The following PTCHD4 variants were observed in gnomAD, a reference collection of about 807,000 sequenced individuals.
The protein encoded by PTCHD4 is patched domain-containing protein 4.
In PTCHD4, 33 loss-of-function variants were observed where a neutral mutation model predicts 58.1. The ratio of observed to expected loss-of-function variants is 0.57; its 90% CI spans 0.43 to 0.76. PTCHD4 has a LOEUF of 0.76. Ranked by LOEUF, PTCHD4 falls within the 30% of genes least tolerant of loss-of-function variation. PTCHD4 has a pLI of 0.00. For missense variants in PTCHD4, 1,058 were observed against 1,027.1 expected (o/e 1.03, Z -0.41); for synonymous variants, 478 against 409.6 (o/e 1.17, Z -2.02).
intron 3 of PTCHD4, among the ~76,000 whole-genome samples, chr6:48,021,165 A>G (rs113801101): frequency 5.9e-5 from 9 of 152,266 alleles, no homozygotes; most frequent in African/African-American, 2.2e-4. Context: ...TTTAGTATAG[A>G]TAGTATATTA....
At chr6:48,049,990 C>T (rs370462460) in intron 3 of PTCHD4, among the ~76,000 whole-genome samples, 1 of 151,902 alleles carries the variant, frequency 6.6e-6, no homozygotes, top group East Asian at 1.9e-4. Context: ...TTCTATTCTA[C>T]AAAGCCAAGT....
At chr6:47,927,460 C>T (rs936597117) in intron 4 of PTCHD4, among the ~76,000 whole-genome samples, 6 of 152,120 alleles carry the variant, frequency 3.9e-5, no homozygotes, top group Non-Finnish European at 8.8e-5. Flanking sequence ...AGCCCTTTGC[C>T]AAACAATATT....
chr6:47,903,807 T>C (rs375615541), intron 4 of PTCHD4, among the ~76,000 whole-genome samples: 17 of 152,262 alleles, frequency 1.1e-4, no homozygotes, highest in African/African-American at 3.1e-4. Context: ...TGTATATTGA[T>C]GAATTTTGAA....
rs1245492999 is a variant in PTCHD4, at chr6:47,864,321, C to T, written c.*13982G>A. On this transcript the variant is annotated 3_prime_UTR_variant, in exon 5 of 5. Coordinates refer to ENST00000339488, the MANE Select transcript of PTCHD4 (RefSeq NM_001384253.1). ...TATTTTTGAGATATATATATACACA[C>T]ACACACACATATATATATATGGCTA... is the stretch of plus-strand genomic sequence containing the variant. 6.6e-6 allele frequency among the ~76,000 whole-genome samples: 1 copy of T among 151,738 alleles called. No homozygotes were observed. The highest frequency in any genetic ancestry group is 1.9e-4 in the East Asian group (1 of 5,132).
intron 4 of PTCHD4, among the ~76,000 whole-genome samples, chr6:47,889,742 A>C (rs544067318): frequency 6.6e-6 from 1 of 151,138 alleles, no homozygotes; most frequent in Admixed American, 6.6e-5. Context: ...ACCTAAAACC[A>C]TAAAAACCCT....
chr6:48,048,776 G>T (rs1476206411), intron 3 of PTCHD4, among the ~76,000 whole-genome samples: 1 of 152,006 alleles, frequency 6.6e-6, no homozygotes, highest in African/African-American at 2.4e-5. Context: ...ATTGAAATAG[G>T]TTTCTAATCT....
chr6:47,864,306 A>T lies in PTCHD4; in HGVS notation c.*13997T>A, dbSNP rs1763500496. ...ATAAATGGAGCCCATTATTTTTGAG[A>T]TATATATATACACACACACACACAT... On this transcript the variant is annotated 3_prime_UTR_variant, in exon 5 of 5. Coordinates refer to ENST00000339488, the MANE Select transcript of PTCHD4 (RefSeq NM_001384253.1). Among the ~76,000 whole-genome samples the T allele has an allele frequency of 1.3e-5, 1 of 78,822 alleles. No homozygotes were observed. Among genetic ancestry groups the T allele is most frequent in the African/African-American group, 3.6e-5 (1 of 27,904 alleles). The allele number at this position is 78,822 out of a possible 152,430, so 51.7% of individuals were successfully genotyped here.
At chr6:48,083,771 C>T (rs771459007) in intron 1 of PTCHD4, among the ~76,000 whole-genome samples, 6 of 152,182 alleles carry the variant, frequency 3.9e-5, no homozygotes, top group Non-Finnish European at 8.8e-5. Flanking sequence ...CCCTGGCTGA[C>T]AGTCAGCAAA....
At chr6:48,013,969 A>G (rs1429785986) in intron 3 of PTCHD4, among the ~76,000 whole-genome samples, 1 of 152,144 alleles carries the variant, frequency 6.6e-6, no homozygotes. Context: ...TTTTTAAACA[A>G]CAGATCTTCA....
rs1763554459 is a variant in PTCHD4, at chr6:47,866,003, A to T, written c.*12300T>A. On this transcript the variant is annotated 3_prime_UTR_variant, in exon 5 of 5. Transcript: ENST00000339488. ...GCTTTGCTCAGTCTGGTCCCGTCAC[A>T]TGGGGTGCTCAGGCCAATAATCTTA... 6.6e-6 allele frequency among the ~76,000 whole-genome samples: 1 copy of T among 151,232 alleles called. No homozygotes were observed. Among genetic ancestry groups the T allele is most frequent in the South Asian group, 2.1e-4 (1 of 4,820 alleles).
Position 47,878,450 on chromosome 6 carries a change from G to A in PTCHD4, c.2385C>T (p.His795=). ...LLLTGGCTLL[H]CFVILPVFLT... The stretch of plus-strand genomic sequence containing the variant: ...GGAACACAGGTAAAATAACAAAACA[G>A]TGCAGAAGTGTGCAACCCCCAGTGA... The change falls in exon 5 of 5, where the codon CAC becomes CAT. Residue 795 remains histidine (H), a synonymous_variant. Transcript: ENST00000339488. 1 of 1,613,464 alleles carries A rather than the reference G, an allele frequency of 6.2e-7. No individual in the cohort carries two copies. The highest frequency in any genetic ancestry group is 8.5e-7 in the Non-Finnish European group (1 of 1,179,678).
chr6:47,887,999 C>T lies in PTCHD4; in HGVS notation c.899-8063G>A, dbSNP rs529171812. On this transcript the variant is annotated intron_variant, in intron 4 of 4. Transcript: ENST00000339488. The stretch of plus-strand genomic sequence containing the variant: ...GAGGGAGGGCCTCGCTTTATCTTGT[C>T]CTTAAGCAAGAAGTGACTTCACTTG... Among the ~76,000 whole-genome samples, 5 of 152,228 alleles carry T rather than the reference C, an allele frequency of 3.3e-5. No individual in the cohort carries two copies. In the South Asian group the frequency reaches 1.0e-3, roughly 32 times the overall value.
At chr6:47,934,491 A>T (rs1387347555) in intron 4 of PTCHD4, among the ~76,000 whole-genome samples, 2 of 152,156 alleles carry the variant, frequency 1.3e-5, no homozygotes, top group Non-Finnish European at 2.9e-5. Context: ...AGCACATCTT[A>T]CCGATCTAAA....
intron 1 of PTCHD4, among the ~76,000 whole-genome samples, 45 bp downstream of exon 1, chr6:48,111,004 C>G (rs1765864098): frequency 1.3e-5 from 2 of 152,110 alleles, no homozygotes; most frequent in African/African-American, 2.4e-5. Context: ...TATCCTTTCT[C>G]TGTCCTGCTC....
chr6:48,011,809 G>A (rs1043799786), intron 3 of PTCHD4, among the ~76,000 whole-genome samples: 1 of 152,114 alleles, frequency 6.6e-6, no homozygotes, highest in African/African-American at 2.4e-5. Flanking sequence ...AGTTTTCCCA[G>A]CATCATTTAT....
In PTCHD4 at chr6:48,015,841, G is replaced by A. The variant is rs367939180; in HGVS notation, c.418-6727C>T. The stretch of plus-strand genomic sequence containing the variant: ...CTTGTGCCTAGAAAAAGCCTGATGT[G>A]TAATAAACATTCCATAATATTTATT... On this transcript the variant is annotated intron_variant, in intron 3 of 4. Coordinates refer to ENST00000339488, the MANE Select transcript of PTCHD4 (RefSeq NM_001384253.1). Among the ~76,000 whole-genome samples the A allele has an allele frequency of 1.3e-3, 199 of 151,924 alleles. 4 individuals are homozygous for A. The South Asian group carries it at 0.039, about 29-fold the overall frequency.
rs1399964742 is a variant in PTCHD4, at chr6:47,863,712, A to G, written c.*14591T>C. 6.6e-6 allele frequency among the ~76,000 whole-genome samples: 1 copy of G among 151,962 alleles called. No homozygotes were observed. Among genetic ancestry groups the G allele is most frequent in the East Asian group, 1.9e-4 (1 of 5,146 alleles). On this transcript the variant is annotated 3_prime_UTR_variant, in exon 5 of 5. Coordinates refer to ENST00000339488, the MANE Select transcript of PTCHD4 (RefSeq NM_001384253.1). The stretch of plus-strand genomic sequence containing the variant: ...TCTAGTATACAGTGGTTCTAGTTAA[A>G]CCAGTCTATAACAGGACTTCTCTGA...
intron 1 of PTCHD4, among the ~76,000 whole-genome samples, chr6:48,078,592 TC>T (rs1554181475): frequency 6.6e-6 from 1 of 152,198 alleles, no homozygotes; most frequent in Non-Finnish European, 1.5e-5. Context: ...TCTTCTTAAA[TC>T]CAATAGTAAT....
At chr6:48,078,778 C>A (rs1027563504) in intron 1 of PTCHD4, among the ~76,000 whole-genome samples, 8 of 151,874 alleles carry the variant, frequency 5.3e-5, no homozygotes, top group African/African-American at 1.9e-4. Context: ...GTATCTCTTT[C>A]TTCTGGAAGA....
Sources: gnomAD v4.1 joint callset for allele counts (sites outside exome capture counted in the v4.1 genomes callset) on GRCh38, gnomAD v4.1.1 for gene constraint, MANE v1.5 for transcripts, NCBI Gene and HGNC (gene_info 2026-07-23, HGNC 2026-07-21) for gene names.